IL1RAPL2: variants seen among roughly 807,000 people sequenced by gnomAD.
IL1RAPL2 encodes interleukin 1 receptor accessory protein like 2.
A neutral mutation model predicts 44.1 loss-of-function variants in IL1RAPL2; 3 were observed. That is an observed-to-expected ratio of 0.07 (90% CI 0.03 to 0.18). The LOEUF is 0.18. Ranked by LOEUF, IL1RAPL2 falls within the 10% of genes least tolerant of loss-of-function variation. IL1RAPL2 has a pLI of 1.00. For missense variants in IL1RAPL2, 391 were observed against 496.4 expected, an observed-to-expected ratio of 0.79 and a Z score of 2.02; for synonymous variants, 181 against 178.8, an observed-to-expected ratio of 1.01 and a Z score of -0.10.
intron 2 of IL1RAPL2, among the ~76,000 whole-genome samples, chrX:105,021,454 C>A (rs2031280796): frequency 9.0e-6 from 1 of 111,029 alleles, no homozygotes; most frequent in African/African-American, 3.3e-5. Context: ...GGCTTATATA[C>A]ATATAAGCTC....
intron 2 of IL1RAPL2, among the ~76,000 whole-genome samples, chrX:104,914,582 ATATTT>A (rs1199854483): frequency 1.8e-5 from 2 of 111,628 alleles, no homozygotes; most frequent in Non-Finnish European, 3.8e-5. Context: ...TATTATTATT[ATATTT>A]TAAGTTTTAG....
At chrX:105,435,100 T>A (rs751271886) in intron 5 of IL1RAPL2, among the ~76,000 whole-genome samples, 7 of 111,951 alleles carry the variant, frequency 6.3e-5, no homozygotes, top group Non-Finnish European at 1.3e-4. Flanking sequence ...TACCATGCTG[T>A]TTTGGTTACT....
rs1194551495 is a variant in IL1RAPL2 at position 105,675,555 on chromosome X, C to T, written c.773-41812C>T. Among the ~76,000 whole-genome samples, 7 of 111,732 alleles carry T rather than the reference C, an allele frequency of 6.3e-5. No individual in the cohort carries two copies. In the East Asian group the frequency reaches 8.4e-4, roughly 13 times the overall value. ...AAGTTTCATGATGCGCTGCTGCATT[C>T]GGTTTGCCGTATTTTATTGAGAATT... On this transcript the variant is annotated intron_variant, in intron 6 of 10. Transcript: ENST00000372582.
chrX:104,805,988 A>G (rs759491420), intron 2 of IL1RAPL2, among the ~76,000 whole-genome samples: 8 of 111,911 alleles, frequency 7.1e-5, no homozygotes, highest in South Asian at 7.5e-4. Context: ...ATCACCAGGG[A>G]GTTTTTAAAA....
chrX:105,068,768 A>C (rs1211097007), intron 2 of IL1RAPL2, among the ~76,000 whole-genome samples: 1 of 112,007 alleles, frequency 8.9e-6, no homozygotes, highest in Non-Finnish European at 1.9e-5. Flanking sequence ...AAGGTAGTCT[A>C]TTTCACTCTT....
intron 6 of IL1RAPL2, among the ~76,000 whole-genome samples, chrX:105,543,078 A>G (rs931634602): frequency 3.4e-4 from 38 of 111,695 alleles, no homozygotes; most frequent in African/African-American, 1.2e-3. Flanking sequence ...TTCTGAGAAG[A>G]ATTTGTAACA....
chrX:105,195,878 T>G (rs2033668834), intron 3 of IL1RAPL2, 130 bp downstream of exon 3: 2 of 590,663 alleles, frequency 3.4e-6, no homozygotes, highest in Admixed American at 6.3e-5. Context: ...CATGTGGAGC[T>G]TCAGTAAATT....
At chrX:104,586,875 G>A (rs1928572937) in intron 1 of IL1RAPL2, among the ~76,000 whole-genome samples, 1 of 111,594 alleles carries the variant, frequency 9.0e-6, no homozygotes, top group African/African-American at 3.3e-5. Context: ...GAAAGTGTTT[G>A]ACTAAGAACC....
intron 4 of IL1RAPL2, among the ~76,000 whole-genome samples, chrX:105,264,966 T>C (rs1322475239): frequency 1.8e-5 from 2 of 112,123 alleles, no homozygotes; most frequent in Non-Finnish European, 3.8e-5. Context: ...GGAAAACACA[T>C]AGGGCTATCT....
At chrX:104,813,230 G>A (rs1014502324) in intron 2 of IL1RAPL2, among the ~76,000 whole-genome samples, 15 of 111,470 alleles carry the variant, frequency 1.3e-4, no homozygotes, top group Non-Finnish European at 2.8e-4. Context: ...GCAGTGGTGG[G>A]ATGGGGAGAA....
intron 2 of IL1RAPL2, among the ~76,000 whole-genome samples, chrX:104,720,326 A>C (rs993481952): frequency 8.9e-6 from 1 of 111,776 alleles, no homozygotes; most frequent in South Asian, 3.7e-4. Flanking sequence ...GAACAAAAAT[A>C]TTGGGGCTTT....
intron 2 of IL1RAPL2, among the ~76,000 whole-genome samples, chrX:104,678,513 T>G (rs1306381602): frequency 1.8e-5 from 2 of 111,738 alleles, no homozygotes; most frequent in Non-Finnish European, 3.8e-5. Context: ...CATCCTTCCT[T>G]TTTACTTTTG....
At chrX:105,219,137 C>G in intron 3 of IL1RAPL2, 2 of 1,211,294 alleles carry the variant, frequency 1.7e-6, no homozygotes, top group Non-Finnish European at 2.2e-6. Context: ...TCCTGATGGT[C>G]TATTCTGTGG....
At chrX:105,416,990 G>T (rs2035737811) in intron 5 of IL1RAPL2, among the ~76,000 whole-genome samples, 1 of 112,070 alleles carries the variant, frequency 8.9e-6, no homozygotes, top group Non-Finnish European at 1.9e-5. Flanking sequence ...TGCAGATCTA[G>T]CTCAGTTTTG....
chrX:104,814,057 C>T (rs1921070639), intron 2 of IL1RAPL2, among the ~76,000 whole-genome samples: 1 of 111,094 alleles, frequency 9.0e-6, no homozygotes, highest in African/African-American at 3.3e-5. Context: ...TTATCCTAGC[C>T]ATCTCTCTGA....
intron 2 of IL1RAPL2, among the ~76,000 whole-genome samples, chrX:104,987,378 C>T (rs774144396): frequency 9.3e-6 from 1 of 107,755 alleles, no homozygotes; most frequent in East Asian, 3.0e-4. Context: ...GGAATTTATA[C>T]CCTGACTTTT....
At chrX:105,758,713 G>T (rs2038660951) in intron 10 of IL1RAPL2, among the ~76,000 whole-genome samples, 1 of 111,919 alleles carries the variant, frequency 8.9e-6, no homozygotes, top group East Asian at 2.8e-4. Context: ...CCTAAATATG[G>T]CAAGAATTCT....
intron 1 of IL1RAPL2, among the ~76,000 whole-genome samples, chrX:104,585,316 TATATTA>T (rs1928513751): frequency 5.1e-5 from 1 of 19,523 alleles, no homozygotes; most frequent in African/African-American, 3.9e-4. Context: ...TTATATAATA[TATATTA>T]TATATAATAT....
chrX:105,158,335 G>A (rs950955391), intron 2 of IL1RAPL2, among the ~76,000 whole-genome samples: 1 of 110,543 alleles, frequency 9.0e-6, no homozygotes, highest in Non-Finnish European at 1.9e-5. Flanking sequence ...CGCCAGCCTG[G>A]GTGACAGAGC....
Sources: allele counts gnomAD v4.1 joint callset (sites outside exome capture counted in the v4.1 genomes callset), GRCh38; gene constraint gnomAD v4.1.1; transcripts MANE v1.5; gene names NCBI Gene and HGNC (gene_info 2026-07-23, HGNC 2026-07-21).